STX1B: variants seen among roughly 807,000 people sequenced by gnomAD.
STX1B encodes the protein syntaxin-1B.
In STX1B, 7 loss-of-function variants were observed where a neutral mutation model predicts 39.4. That is an observed-to-expected ratio of 0.18 (90% CI 0.10 to 0.33). STX1B has a LOEUF of 0.33. Ranked by LOEUF, STX1B falls within the 10% of genes least tolerant of loss-of-function variation. The pLI is 1.00. For missense variants in STX1B, 198 were observed against 383.2 expected (o/e 0.52, Z 4.04); for synonymous variants, 136 against 144.1 (o/e 0.94, Z 0.40).
chr16:30,995,022 C>T (rs1425357080), intron 7 of STX1B, among the ~76,000 whole-genome samples: 1 of 151,484 alleles, frequency 6.6e-6, no homozygotes, highest in Non-Finnish European at 1.5e-5. Context: ...GGCAATCCTT[C>T]CACCTTAGCC....
intron 7 of STX1B, among the ~76,000 whole-genome samples, chr16:30,995,813 A>G (rs1353272693): frequency 6.6e-6 from 1 of 152,204 alleles, no homozygotes. Context: ...CATATGTAAA[A>G]GGACAAGGGC....
intron 5 of STX1B, among the ~76,000 whole-genome samples, 174 bp from the exon 6 acceptor site, chr16:30,997,233 C>T (rs570724777): frequency 9.2e-5 from 14 of 152,304 alleles, no homozygotes; most frequent in African/African-American, 3.4e-4. Context: ...CAAACCCTGA[C>T]AAGTTCATGG....
intron 4 of STX1B, among the ~76,000 whole-genome samples, chr16:30,998,015 C>T (rs1484039285): frequency 6.6e-6 from 1 of 152,186 alleles, no homozygotes; most frequent in Non-Finnish European, 1.5e-5. Context: ...TGATGGAAGG[C>T]AGTCACCTCC....
chr16:31,007,923 A>T (rs1246599528), intron 1 of STX1B, among the ~76,000 whole-genome samples: 1 of 152,206 alleles, frequency 6.6e-6, no homozygotes. Flanking sequence ...GAGGTTAAGC[A>T]ACTTGCCCAA....
chr16:30,993,253 G>C lies in STX1B; in HGVS notation c.676-13C>G. 1 of 1,614,070 alleles carries C rather than the reference G, an allele frequency of 6.2e-7. No individual in the cohort carries two copies. Among genetic ancestry groups the C allele is most frequent in the East Asian group, 2.2e-5 (1 of 44,884 alleles). On this transcript the variant is annotated splice_polypyrimidine_tract_variant and intron_variant, in intron 8 of 9. Coordinates refer to ENST00000215095, the MANE Select transcript of STX1B (RefSeq NM_052874.5). Reference sequence around the variant, plus strand: ...CAATCATCTCTCCCTGCAGACAGAGGAGACATGCACAGGGAGGGATGGGGG... The same window carrying C: ...CAATCATCTCTCCCTGCAGACAGAGCAGACATGCACAGGGAGGGATGGGGG...
At chr16:31,010,053 T>C (rs889939319) in intron 1 of STX1B, among the ~76,000 whole-genome samples, 2 of 151,818 alleles carry the variant, frequency 1.3e-5, no homozygotes, top group African/African-American at 4.8e-5. Context: ...TCTCCTCCGG[T>C]TTCTCCTGAT....
At chr16:30,997,431 C>T in intron 5 of STX1B, 71 bp downstream of exon 5, 7 of 1,392,462 alleles carry the variant, frequency 5.0e-6, no homozygotes, top group Non-Finnish European at 7.0e-6. Flanking sequence ...GGCCCTGGCC[C>T]GCCGGCCTCC....
rs1596714127 is a variant in STX1B at position 30,992,760 on chromosome 16, T to G, written c.*61A>C. On this transcript the variant is annotated 3_prime_UTR_variant, in exon 10 of 10. Transcript: ENST00000215095. ...GCAGGGGATGGAGTGAAAGGGGTGG[T>G]GGGGGTATTGCTCCCGATGTGGTGG... 1 of 671,074 alleles carries G rather than the reference T, an allele frequency of 1.5e-6. No homozygotes were observed. Among genetic ancestry groups the G allele is most frequent in the Non-Finnish European group, 2.2e-6 (1 of 465,080 alleles). The allele number at this position is 671,074 out of a possible 1,614,324, so 41.6% of individuals were successfully genotyped here.
In STX1B at chr16:30,991,815, C is replaced by A. The variant is rs2056560338; in HGVS notation, c.*1006G>T. Reference sequence around the variant, plus strand: ...TCAGGGAGGCACAGGTTGCAGTGAGCTGAGATTGCGCCACTGCACTCCAGC... The same window carrying A: ...TCAGGGAGGCACAGGTTGCAGTGAGATGAGATTGCGCCACTGCACTCCAGC... On this transcript the variant is annotated 3_prime_UTR_variant, in exon 10 of 10. Coordinates refer to ENST00000215095, the MANE Select transcript of STX1B (RefSeq NM_052874.5). The A allele has an allele frequency of 6.6e-6, 1 of 152,118 alleles. No individual in the cohort carries two copies. Among genetic ancestry groups the A allele is most frequent in the South Asian group, 2.1e-4 (1 of 4,832 alleles). The allele number at this position is 152,118 out of a possible 1,614,324, so 9.4% of individuals were successfully genotyped here.
At chr16:30,997,097 T>TA in intron 5 of STX1B, 38 bp from the exon 6 acceptor site, 1 of 1,425,198 alleles carries the variant, frequency 7.0e-7, no homozygotes, top group Non-Finnish European at 9.9e-7. Context: ...ATCAGGGAGG[T>TA]AGTCAGGGAT....
At chr16:31,002,058 T>C (rs1034853856) in intron 1 of STX1B, among the ~76,000 whole-genome samples, 5 of 152,068 alleles carry the variant, frequency 3.3e-5, no homozygotes, top group African/African-American at 4.8e-5. Flanking sequence ...TGACCAGACA[T>C]GTCCCCTGTG....
rs748405586 is a variant in STX1B, at chr16:30,993,362, C to A, written c.660G>T (p.Met220Ile). The change falls in exon 8 of 10, where the codon ATG becomes ATT. Residue 220 changes from methionine (M) to isoleucine (I), a missense_variant. By Grantham distance (10) the Met-to-Ile change is conservative. Transcript: ENST00000215095. Reference protein sequence around the residue: ...ELHDMFVDMAMLVESQGEMID... With the variant: ...ELHDMFVDMAILVESQGEMID... Reference sequence around the variant, plus strand: ...GAGCCAGTACCTGGCTCTCTACGAGCATGGCCATGTCCACAAACATATCGT... The same window carrying A: ...GAGCCAGTACCTGGCTCTCTACGAGAATGGCCATGTCCACAAACATATCGT... 2 of 1,614,226 alleles carry A rather than the reference C, an allele frequency of 1.2e-6. No individual in the cohort carries two copies. Among genetic ancestry groups the A allele is most frequent in the Admixed American group, 3.3e-5 (2 of 60,030 alleles).
chr16:30,993,169 G>T lies in STX1B; in HGVS notation c.747C>A (p.Asp249Glu), dbSNP rs754735275. The change falls in exon 9 of 10, where the codon GAC becomes GAA. Residue 249 changes from aspartate (D) to glutamate (E), a missense_variant. By Grantham distance (45) the Asp-to-Glu change is conservative. Coordinates refer to ENST00000215095, the MANE Select transcript of STX1B (RefSeq NM_052874.5). ...TCTGATATTTCACTGCTTTCTTGGT[G>T]TCAGACACAGCTCGCTCCACGTAGT... ...SVDYVERAVS[D>E]TKKAVKYQSK... is the part of the protein sequence containing the mutation. The T allele has an allele frequency of 6.2e-7, 1 of 1,614,204 alleles. No homozygotes were observed. The highest frequency in any genetic ancestry group is 2.2e-5 in the East Asian group (1 of 44,886).
At chr16:31,005,505 A>G (rs1422978394) in intron 1 of STX1B, among the ~76,000 whole-genome samples, 1 of 115,410 alleles carries the variant, frequency 8.7e-6, no homozygotes, top group African/African-American at 3.4e-5. Context: ...ATGGGATCTC[A>G]CTATATTGCC....
intron 7 of STX1B, among the ~76,000 whole-genome samples, chr16:30,995,450 A>C (rs1459446016): frequency 6.6e-6 from 1 of 151,846 alleles, no homozygotes; most frequent in Non-Finnish European, 1.5e-5. Context: ...AAGTCCACTG[A>C]GAGAAACAAG....
rs1056036526 is a variant in STX1B at position 31,000,916 on chromosome 16, T to C, written c.280+12A>G. 3 of 1,613,938 alleles carry C rather than the reference T, an allele frequency of 1.9e-6. No individual in the cohort carries two copies. Among genetic ancestry groups the C allele is most frequent in the Non-Finnish European group, 2.5e-6 (3 of 1,179,808 alleles). On this transcript the variant is annotated intron_variant, in intron 4 of 9. Transcript: ENST00000215095. Reference sequence around the variant, plus strand: ...TTCTTTTCCTTCCTGGTTGAGGGATTGTACTCCTCACCTTTCAATTTGGAC... The same window carrying C: ...TTCTTTTCCTTCCTGGTTGAGGGATCGTACTCCTCACCTTTCAATTTGGAC...
At chr16:31,008,074 C>A (rs372172419) in intron 1 of STX1B, among the ~76,000 whole-genome samples, 1 of 152,126 alleles carries the variant, frequency 6.6e-6, no homozygotes, top group Middle Eastern at 3.4e-3. Flanking sequence ...GGGCTAATGT[C>A]CCCTCCCACC....
chr16:30,996,718 G>A lies in STX1B; in HGVS notation c.502C>T (p.Leu168=). The change falls in exon 7 of 10, where the codon CTG becomes TTG. Residue 168 remains leucine, a synonymous_variant. Transcript: ENST00000215095. ...TTTNEELEDM[L]ESGKLAIFTD... is the part of the protein sequence containing the mutation. ...AAGATGGCCAGCTTCCCGCTCTCCA[G>A]CATGTCTTCCAGTTCTTCGTTGGTG... The A allele has an allele frequency of 6.2e-7, 1 of 1,614,148 alleles. No homozygotes were observed. Among genetic ancestry groups the A allele is most frequent in the Non-Finnish European group, 8.5e-7 (1 of 1,179,978 alleles).
intron 7 of STX1B, among the ~76,000 whole-genome samples, chr16:30,995,060 C>T (rs573010538): frequency 4.6e-5 from 7 of 152,058 alleles, no homozygotes; most frequent in South Asian, 4.1e-4. Flanking sequence ...CACAGGCACA[C>T]GCCACCATGC....
Sources: allele counts gnomAD v4.1 joint callset (sites outside exome capture counted in the v4.1 genomes callset), GRCh38; gene constraint gnomAD v4.1.1; transcripts MANE v1.5; gene names NCBI Gene and HGNC (gene_info 2026-07-23, HGNC 2026-07-21).